IGF2: variants seen among roughly 807,000 people sequenced by gnomAD.
IGF2 encodes insulin-like growth factor 2.
A neutral mutation model predicts 12.0 loss-of-function variants in IGF2; 2 were observed. That is an observed-to-expected ratio of 0.17 (90% CI 0.07 to 0.52). The LOEUF is 0.52. Among genes scored for constraint, IGF2 ranks in the 20% least tolerant of loss-of-function variants. The pLI is 0.95. For synonymous variants in IGF2, 105 were observed against 110.1 expected, an observed-to-expected ratio of 0.95 and a Z score of 0.29; for missense variants, 211 against 268.0, an observed-to-expected ratio of 0.79 and a Z score of 1.48.
chr11:2,145,581 G>T (rs573523017), upstream of IGF2, among the ~76,000 whole-genome samples: 4 of 152,322 alleles, frequency 2.6e-5, no homozygotes, highest in South Asian at 8.3e-4. Flanking sequence ...CTGCCGAGGT[G>T]CCTTCCCCCA....
In IGF2 at chr11:2,139,181, T is replaced by C. The variant is rs1859348232; in HGVS notation, c.-959A>G. On this transcript the variant is annotated 5_prime_UTR_variant, in exon 1 of 4. Coordinates refer to ENST00000416167, the MANE Select transcript of IGF2 (RefSeq NM_000612.6). ...TAGATGAAGAGGAGGCGGCGGGGAA[T>C]CCGCAGGCCCGGCGGAGCGCGACCC... 1 of 150,918 alleles carries C rather than the reference T, an allele frequency of 6.6e-6. No homozygotes were observed. The highest frequency in any genetic ancestry group is 2.1e-4 in the South Asian group (1 of 4,792). 9.3% of individuals were successfully genotyped at this position (150,918 alleles called of 1,614,324 possible).
Position 2,129,905 on chromosome 11 carries a change from C to T in IGF2, c.*3082G>A, listed in dbSNP as rs1858416264. The T allele has an allele frequency of 4.3e-6, 1 of 231,956 alleles. No individual in the cohort carries two copies. Among genetic ancestry groups the T allele is most frequent in the South Asian group, 1.8e-4 (1 of 5,538 alleles). 14.4% of individuals were successfully genotyped at this position (231,956 alleles called of 1,614,324 possible). On this transcript the variant is annotated 3_prime_UTR_variant, in exon 4 of 4. Transcript: ENST00000416167. The surrounding 1 kb of genome is among the most constrained non-coding windows in gnomAD (Gnocchi z 8.1). ...TATGGCATCACCAGACCCGTGGGCT[C>T]CGGGGCCCAAGCAACCTGGTCGATG...
chr11:2,130,592 A>C lies in IGF2; in HGVS notation c.*2395T>G, dbSNP rs545576517. On this transcript the variant is annotated 3_prime_UTR_variant, in exon 4 of 4. Transcript: ENST00000416167. ...TAAGGAGGGGTAAAAAAAAAACAAA[A>C]AAAAAAAAAAAAGGAAAAATGCCCC... The C allele has an allele frequency of 2.8e-4, 60 of 216,402 alleles. No homozygotes were observed. In the East Asian group the frequency reaches 2.9e-3, roughly 10 times the overall value. 13.4% of individuals were successfully genotyped at this position (216,402 alleles called of 1,614,324 possible).
At chr11:2,134,597 G>A (rs886808290) in intron 2 of IGF2, among the ~76,000 whole-genome samples, 12 of 152,242 alleles carry the variant, frequency 7.9e-5, no homozygotes, top group African/African-American at 2.4e-4. Flanking sequence ...AAGATGTCAC[G>A]TGGTGAGTGT....
upstream of IGF2, among the ~76,000 whole-genome samples, chr11:2,145,375 A>G (rs1431906651): frequency 6.6e-6 from 1 of 152,322 alleles, no homozygotes; most frequent in Admixed American, 6.5e-5. Context: ...GGCTCCCGTC[A>G]TGGACAAAAC....
chr11:2,140,192 A>G, upstream of IGF2: 4 of 1,613,230 alleles, frequency 2.5e-6, no homozygotes, highest in Non-Finnish European at 3.4e-6. Context: ...GGCCCACCCA[A>G]AATATCTGGA....
In IGF2 at chr11:2,138,842, C is replaced by A; in HGVS notation, c.-620G>T. The A allele has an allele frequency of 2.2e-6, 2 of 921,412 alleles. No individual in the cohort carries two copies. The highest frequency in any genetic ancestry group is 2.2e-5 in the African/African-American group (1 of 45,854). 57.1% of individuals were successfully genotyped at this position (921,412 alleles called of 1,614,324 possible). A position where few individuals can be genotyped will look rare whatever the true frequency, so the allele number is the denominator to read the frequency against. ...CAGAGAAGCGGAGGGAAGGGCGCCA[C>A]GTCGAGGGGCCGGGGGAGGCGGTGA... On this transcript the variant is annotated 5_prime_UTR_variant, in exon 1 of 4. Coordinates refer to ENST00000416167, the MANE Select transcript of IGF2 (RefSeq NM_000612.6).
chr11:2,133,790 C>A lies in IGF2; in HGVS notation c.158-125G>T. The A allele has an allele frequency of 8.4e-7, 1 of 1,188,094 alleles. No individual in the cohort carries two copies. Among genetic ancestry groups the A allele is most frequent in the Non-Finnish European group, 1.2e-6 (1 of 845,648 alleles). The allele number at this position is 1,188,094 out of a possible 1,614,324, so 73.6% of individuals were successfully genotyped here. ...GCCCTGGAAGGACGCAGCCACCCTG[C>A]GGGTCAGGGGAGGGAAGTGAGAGCT... On this transcript the variant is annotated intron_variant, in intron 2 of 3. Transcript: ENST00000416167. This position sits in a 1 kb window ranked among gnomAD's most constrained non-coding sequence, Gnocchi z 8.9.
At chr11:2,134,292 G>A (rs796271646) in intron 2 of IGF2, 9 of 387,646 alleles carry the variant, frequency 2.3e-5, no homozygotes, top group African/African-American at 1.6e-4. Flanking sequence ...GCCATCAGCC[G>A]GAGGAGGGAG....
At chr11:2,140,248 G>A, upstream of IGF2, 1 of 1,613,196 alleles carries the variant, frequency 6.2e-7, no homozygotes, top group African/African-American at 1.3e-5. Flanking sequence ...ATAGACGCGA[G>A]TTCGGTCTCG....
At chr11:2,138,173 C>A (rs1471201976) in intron 1 of IGF2, 56 bp downstream of exon 1, 2 of 972,060 alleles carry the variant, frequency 2.1e-6, no homozygotes, top group South Asian at 9.5e-5. Context: ...GGGCGTCCGG[C>A]GCAAGCCCGC....
chr11:2,137,529 AG>A (rs112129175), intron 1 of IGF2, among the ~76,000 whole-genome samples: 31,358 of 145,056 alleles, frequency 0.22, 3,193 homozygotes, highest in African/African-American at 0.23. Context: ...AGGGCAGTGA[AG>A]GGGGGGGGGG....
At position 2,133,434 on chromosome 11, in the gene IGF2, C is replaced by T; in HGVS notation, c.306+83G>A. 1 of 1,456,150 alleles carries T rather than the reference C, an allele frequency of 6.9e-7. No homozygotes were observed. The highest frequency in any genetic ancestry group is 1.8e-4 in the Middle Eastern group (1 of 5,448). The allele number at this position is 1,456,150 out of a possible 1,614,324, so 90.2% of individuals were successfully genotyped here. ...GGGTCCTTGTCCCTGGCCAAGAGGT[C>T]CCAGAGGCCACAGGAAACGCTGGGC... On this transcript the variant is annotated intron_variant, in intron 3 of 3. Coordinates refer to ENST00000416167, the MANE Select transcript of IGF2 (RefSeq NM_000612.6). This position sits in a 1 kb window ranked among gnomAD's most constrained non-coding sequence, Gnocchi z 8.9.
upstream of IGF2, chr11:2,140,434 G>C: frequency 1.4e-6 from 1 of 701,148 alleles, no homozygotes; most frequent in Non-Finnish European, 2.3e-6. Flanking sequence ...GGAATCTCGC[G>C]CCCCCCTGGC....
intron 1 of IGF2, among the ~76,000 whole-genome samples, chr11:2,136,827 C>G (rs1211694771): frequency 6.6e-6 from 1 of 152,256 alleles, no homozygotes; most frequent in Non-Finnish European, 1.5e-5. Context: ...GCCACTCTAG[C>G]CCTCGCCGCG....
rs1590121294 is a variant in IGF2, at chr11:2,136,438, G to A, written c.-6-909C>T. On this transcript the variant is annotated intron_variant, in intron 1 of 3. Coordinates refer to ENST00000416167, the MANE Select transcript of IGF2 (RefSeq NM_000612.6). ...AGGTTCCCCAGACTACAATCTGGAA[G>A]GGGAGGCCAGTCTTAGGACACACCC... Among the ~76,000 whole-genome samples the A allele has an allele frequency of 2.0e-5, 3 of 152,360 alleles. No homozygotes were observed. The East Asian group carries it at 5.8e-4, about 29-fold the overall frequency.
chr11:2,137,810 C>T (rs1859188442), intron 1 of IGF2, among the ~76,000 whole-genome samples: 1 of 152,196 alleles, frequency 6.6e-6, no homozygotes, highest in African/African-American at 2.4e-5. Context: ...CGCGGTCTCG[C>T]TGGCACCGCG....
intron 1 of IGF2, among the ~76,000 whole-genome samples, chr11:2,137,474 A>C (rs1859154153): frequency 6.7e-6 from 1 of 150,210 alleles, no homozygotes. Context: ...TCCCGTAGCG[A>C]AGTGCCATGG....
chr11:2,138,729 A>C lies in IGF2; in HGVS notation c.-507T>G, dbSNP rs1346123630. 2.1e-5 allele frequency: 3 copies of C among 143,214 alleles called. No individual in the cohort carries two copies. Among genetic ancestry groups the C allele is most frequent in the Non-Finnish European group, 2.6e-5 (3 of 113,558 alleles). 8.9% of individuals were successfully genotyped at this position (143,214 alleles called of 1,614,324 possible). A position where few individuals can be genotyped will look rare whatever the true frequency, so the allele number is the denominator to read the frequency against. On this transcript the variant is annotated 5_prime_UTR_variant, in exon 1 of 4. Coordinates refer to ENST00000416167, the MANE Select transcript of IGF2 (RefSeq NM_000612.6). Reference sequence around the variant, plus strand: ...GGGGGGGAGGGAGTCGGAGGCTAGGAGCTGGGGGGGACGGGAGGGAGCGAA... The same window carrying C: ...GGGGGGGAGGGAGTCGGAGGCTAGGCGCTGGGGGGGACGGGAGGGAGCGAA...
Sources: gnomAD v4.1 joint callset for allele counts (sites outside exome capture counted in the v4.1 genomes callset) on GRCh38, gnomAD v4.1.1 for gene constraint, Gnocchi (gnomAD v3.1) non-coding constraint, MANE v1.5 for transcripts, NCBI Gene and HGNC (gene_info 2026-07-23, HGNC 2026-07-21) for gene names.